RELB: variants seen among roughly 807,000 people sequenced by gnomAD.
The protein encoded by RELB is transcription factor RelB.
A neutral mutation model predicts 55.4 loss-of-function variants in RELB; 14 were observed. The ratio of observed to expected loss-of-function variants is 0.25; its 90% CI spans 0.17 to 0.40. The LOEUF (loss-of-function observed/expected upper bound fraction) is 0.40. RELB is among the 10% of genes least tolerant of loss of function. The pLI is 1.00. For missense variants in RELB, 669 were observed against 830.7 expected (o/e 0.81, Z 2.39); for synonymous variants, 409 against 371.3 (o/e 1.10, Z -1.17).
intron 1 of RELB, among the ~76,000 whole-genome samples, chr19:45,002,352 T>G (rs967999104): frequency 6.6e-6 from 1 of 152,076 alleles, no homozygotes; most frequent in Admixed American, 6.6e-5. Context: ...TTTTTGTTTG[T>G]TTTTTGTTTT....
chr19:45,002,336 TG>T (rs1023812312), intron 1 of RELB, among the ~76,000 whole-genome samples: 9 of 152,054 alleles, frequency 5.9e-5, no homozygotes, highest in African/African-American at 1.4e-4. Flanking sequence ...GACAGGAGGA[TG>T]TTTTTTTTTG....
chr19:45,031,809 C>T (rs1971624928), intron 8 of RELB, among the ~76,000 whole-genome samples: 1 of 151,546 alleles, frequency 6.6e-6, no homozygotes, highest in African/African-American at 2.4e-5. Flanking sequence ...ATCTCCTGAC[C>T]TCGTGATCCG....
intron 4 of RELB, among the ~76,000 whole-genome samples, chr19:45,014,196 G>T (rs747045302): frequency 1.2e-4 from 18 of 147,130 alleles, no homozygotes; most frequent in Middle Eastern, 3.4e-3. Context: ...TGGAGACAGG[G>T]TCTCTCTCTG....
chr19:45,002,886 G>A, intron 1 of RELB, 63 bp from the exon 2 acceptor site: 2 of 1,432,008 alleles, frequency 1.4e-6, no homozygotes, highest in East Asian at 2.3e-5. Context: ...GGCTTCCTTG[G>A]GATATTCTCT....
chr19:45,009,142 G>A (rs566018581), intron 2 of RELB, among the ~76,000 whole-genome samples: 2 of 152,118 alleles, frequency 1.3e-5, no homozygotes, highest in Non-Finnish European at 2.9e-5. Context: ...GTGCAGTGAC[G>A]CAATCTCAGC....
chr19:45,022,026 C>A, intron 4 of RELB, 27 bp from the exon 5 acceptor site: 5 of 1,586,876 alleles, frequency 3.2e-6, no homozygotes, highest in Non-Finnish European at 4.3e-6. Context: ...GTGATGGGAC[C>A]CCCAAAGAGG....
At chr19:45,005,628 G>T (rs1243368214) in intron 2 of RELB, among the ~76,000 whole-genome samples, 1 of 152,104 alleles carries the variant, frequency 6.6e-6, no homozygotes, top group South Asian at 2.1e-4. Context: ...TTTTGAGACA[G>T]AGTCTCGCTC....
chr19:45,018,976 CTA>C (rs1971453014), intron 4 of RELB, among the ~76,000 whole-genome samples: 1 of 152,112 alleles, frequency 6.6e-6, no homozygotes, highest in African/African-American at 2.4e-5. Flanking sequence ...TGCCTTTCAT[CTA>C]TATTCACCAG....
intron 3 of RELB, 151 bp from the exon 4 acceptor site, chr19:45,011,785 T>TGG: frequency 2.8e-6 from 1 of 355,290 alleles, no homozygotes; most frequent in Non-Finnish European, 4.7e-6. Context: ...TGTGTGTGTG[T>TGG]GTGTGTGTGT....
rs1971662552 is a variant in RELB at position 45,034,399 on chromosome 19, G to A, written c.1277-52G>A. 4 of 1,609,794 alleles carry A rather than the reference G, an allele frequency of 2.5e-6. No individual in the cohort carries two copies. In the East Asian group the frequency reaches 6.7e-5, roughly 27 times the overall value. On this transcript the variant is annotated intron_variant, in intron 10 of 11. Transcript: ENST00000221452. Reference sequence around the variant, plus strand: ...CCACTGCCCTGTCCCACCCCAGGCTGGGGAGGAAGGGCTGTCGGGGAACAG... The same window carrying A: ...CCACTGCCCTGTCCCACCCCAGGCTAGGGAGGAAGGGCTGTCGGGGAACAG...
At chr19:45,019,658 T>C (rs1475298300) in intron 4 of RELB, among the ~76,000 whole-genome samples, 2 of 152,092 alleles carry the variant, frequency 1.3e-5, no homozygotes, top group Non-Finnish European at 2.9e-5. Context: ...TCTCTCCTTC[T>C]CTCTTTATTT....
At chr19:45,026,672 TGA>T (rs955451222) in intron 7 of RELB, among the ~76,000 whole-genome samples, 10 of 152,166 alleles carry the variant, frequency 6.6e-5, no homozygotes, top group African/African-American at 2.4e-4. Context: ...TCTCCCTTTC[TGA>T]GAGAGTGCAT....
Position 45,025,338 on chromosome 19 carries a change from C to T in RELB, c.672C>T (p.Asn224=). 1 of 1,610,954 alleles carries T rather than the reference C, an allele frequency of 6.2e-7. No individual in the cohort carries two copies. Among genetic ancestry groups the T allele is most frequent in the Non-Finnish European group, 8.5e-7 (1 of 1,178,726 alleles). ...CCCGTCACCCCCTCAGTTTTAACAACCTGGGCATCCAGTGTGTGAGGAAGA... is the reference window on the plus strand; with the variant it reads ...CCCGTCACCCCCTCAGTTTTAACAATCTGGGCATCCAGTGTGTGAGGAAGA... ...PHVSPRHSFN[N]LGIQCVRKKE... Residue 224 remains asparagine, a synonymous_variant, in exon 6 of 12, where the codon AAC becomes AAT. Coordinates refer to ENST00000221452, the MANE Select transcript of RELB (RefSeq NM_006509.4).
At chr19:45,020,391 T>G (rs1971469211) in intron 4 of RELB, among the ~76,000 whole-genome samples, 2 of 151,512 alleles carry the variant, frequency 1.3e-5, no homozygotes, top group African/African-American at 2.4e-5. Context: ...ACCTGGCTAA[T>G]TTTTGTATTT....
At position 45,035,953 on chromosome 19, in the gene RELB, T is replaced by C. The variant is rs371408863; in HGVS notation, c.1354+1425T>C. On this transcript the variant is annotated intron_variant, in intron 11 of 11. Coordinates refer to ENST00000221452, the MANE Select transcript of RELB (RefSeq NM_006509.4). ...AACTCATGGTGCAAGGTGGCTGTTG[T>C]AGCTCCAGCCATTACGCCCACGTTC... is the stretch of plus-strand genomic sequence containing the variant. 5.2e-3 allele frequency among the ~76,000 whole-genome samples: 797 copies of C among 152,356 alleles called. 8 individuals carry two copies. Among genetic ancestry groups the C allele is most frequent in the African/African-American group, 0.018 (766 of 41,582 alleles).
chr19:45,008,544 T>C (rs1320038559), intron 2 of RELB: 2 of 456,174 alleles, frequency 4.4e-6, no homozygotes, highest in Admixed American at 2.4e-5. Flanking sequence ...GCGTGTCCCT[T>C]CCTCTCTGCC....
intron 8 of RELB, 117 bp from the exon 9 acceptor site, chr19:45,032,417 A>C: frequency 1.1e-6 from 1 of 881,942 alleles, no homozygotes; most frequent in Non-Finnish European, 1.8e-6. Flanking sequence ...AGACTCTCAA[A>C]AAAAAAAAAT....
rs35868283 is a variant in RELB at position 45,001,804 on chromosome 19, A to G, written c.106+119A>G. ...GAGTCTAAGGGTTTCGCGGGGGCAG[A>G]GTGAGGGTTCCTGAGACACTGTATT... is the stretch of plus-strand genomic sequence containing the variant. On this transcript the variant is annotated intron_variant, in intron 1 of 11. Transcript: ENST00000221452. 2.3e-3 allele frequency: 1,376 copies of G among 585,864 alleles called. 17 individuals are homozygous for G. Among genetic ancestry groups the G allele is most frequent in the African/African-American group, 0.023 (1,174 of 50,388 alleles). 36.3% of individuals were successfully genotyped at this position (585,864 alleles called of 1,614,324 possible). A position where few individuals can be genotyped will look rare whatever the true frequency, so the allele number is the denominator to read the frequency against.
chr19:45,027,337 A>G (rs1457212692), intron 7 of RELB, among the ~76,000 whole-genome samples: 1 of 152,090 alleles, frequency 6.6e-6, no homozygotes, highest in Non-Finnish European at 1.5e-5. Context: ...GATGTAGCAT[A>G]GTGCTTCAGG....
Sources: gnomAD v4.1 joint callset for allele counts (sites outside exome capture counted in the v4.1 genomes callset) on GRCh38, gnomAD v4.1.1 for gene constraint, MANE v1.5 for transcripts, NCBI Gene and HGNC (gene_info 2026-07-23, HGNC 2026-07-21) for gene names.